Variants in FBXO47 observed in about 807,000 individuals in gnomAD.
The protein encoded by FBXO47 is F-box only protein 47.
In FBXO47, 34 loss-of-function variants were observed where a neutral mutation model predicts 53.9. The observed-to-expected ratio is 0.63, with a 90% CI of 0.48 to 0.84. The LOEUF (loss-of-function observed/expected upper bound fraction) is 0.84. Among genes scored for constraint, FBXO47 ranks in the 40% least tolerant of loss-of-function variants. The pLI is 0.00. For synonymous variants in FBXO47, 165 were observed against 181.6 expected, an observed-to-expected ratio of 0.91 and a Z score of 0.73; for missense variants, 485 against 541.3, an observed-to-expected ratio of 0.90 and a Z score of 1.03.
At position 38,936,695 on chromosome 17, in the gene FBXO47, G is replaced by C. The variant is rs1429162860; in HGVS notation, c.*480C>G. On this transcript the variant is annotated 3_prime_UTR_variant, in exon 11 of 11. Coordinates refer to ENST00000378079, the MANE Select transcript of FBXO47 (RefSeq NM_001008777.3). Reference sequence around the variant, plus strand: ...GTTCTTTGTAAGCATATGCCAAGAAGGTAGTAAAAACTGTGATTTGTATTC... The same window carrying C: ...GTTCTTTGTAAGCATATGCCAAGAACGTAGTAAAAACTGTGATTTGTATTC... 6.6e-6 allele frequency: 1 copy of C among 152,192 alleles called. No individual in the cohort carries two copies. Among genetic ancestry groups the C allele is most frequent in the Non-Finnish European group, 1.5e-5 (1 of 68,160 alleles). 9.4% of individuals were successfully genotyped at this position (152,192 alleles called of 1,614,324 possible).
intron 9 of FBXO47, among the ~76,000 whole-genome samples, 169 bp downstream of exon 9, chr17:38,942,609 A>G (rs1314657894): frequency 6.6e-6 from 1 of 152,154 alleles, no homozygotes; most frequent in African/African-American, 2.4e-5. Context: ...AAAACAAAAC[A>G]AAAGAAAACA....
rs942194416 is a variant in FBXO47, at chr17:38,967,356, A to G, written c.-154T>C. ...ATCTCCTCAAGAGCTTCCCGCCAGGAGGCGAGAGGGTCACACTCCCGTAGG... is the reference window on the plus strand; with the variant it reads ...ATCTCCTCAAGAGCTTCCCGCCAGGGGGCGAGAGGGTCACACTCCCGTAGG... On this transcript the variant is annotated 5_prime_UTR_variant, in exon 1 of 11. Transcript: ENST00000378079. 7.2e-5 allele frequency: 11 copies of G among 152,136 alleles called. No individual in the cohort carries two copies. Among genetic ancestry groups the G allele is most frequent in the African/African-American group, 2.7e-4 (11 of 41,416 alleles). The allele number at this position is 152,136 out of a possible 1,614,324, so 9.4% of individuals were successfully genotyped here. A position where few individuals can be genotyped will look rare whatever the true frequency, so the allele number is the denominator to read the frequency against.
At chr17:38,939,237 G>A (rs1178335266) in intron 9 of FBXO47, among the ~76,000 whole-genome samples, 1 of 134,912 alleles carries the variant, frequency 7.4e-6, no homozygotes, top group African/African-American at 2.8e-5. Flanking sequence ...AGGATGCAGT[G>A]AGCGGAGATC....
chr17:38,966,485 G>C (rs1336992350), intron 1 of FBXO47, among the ~76,000 whole-genome samples: 1 of 152,184 alleles, frequency 6.6e-6, no homozygotes, highest in African/African-American at 2.4e-5. Flanking sequence ...ACAGGCGTGA[G>C]CCACCGCACC....
intron 3 of FBXO47, 45 bp downstream of exon 3, chr17:38,961,832 T>G (rs1183447245): frequency 1.3e-6 from 2 of 1,534,124 alleles, no homozygotes; most frequent in South Asian, 2.4e-5. Flanking sequence ...TTCTCTTAAT[T>G]AAGCACAGTT....
At chr17:38,940,679 C>T (rs1328981954) in intron 9 of FBXO47, among the ~76,000 whole-genome samples, 1 of 151,884 alleles carries the variant, frequency 6.6e-6, no homozygotes, top group Non-Finnish European at 1.5e-5. Flanking sequence ...TATTCATTTA[C>T]TTATTTATTT....
chr17:38,941,490 A>G (rs7216225), intron 9 of FBXO47, among the ~76,000 whole-genome samples: 9,859 of 150,102 alleles, frequency 0.066, 1,102 homozygotes, highest in African/African-American at 0.22. Flanking sequence ...CATTTTTATT[A>G]TAGAGACAGG....
chr17:38,954,986 A>T (rs1905476513), intron 4 of FBXO47, 53 bp from the exon 5 acceptor site: 5 of 1,299,908 alleles, frequency 3.8e-6, no homozygotes, highest in Non-Finnish European at 5.5e-6. Context: ...ATAGTTTGAC[A>T]ATGGTGGAAC....
intron 6 of FBXO47, among the ~76,000 whole-genome samples, chr17:38,947,131 AAT>A (rs559228453): frequency 1.7e-4 from 24 of 137,808 alleles, no homozygotes; most frequent in South Asian, 4.5e-4. Flanking sequence ...CATATATATA[AAT>A]ATATATATAT....
intron 3 of FBXO47, 111 bp downstream of exon 3, chr17:38,961,766 G>C: frequency 1.1e-6 from 1 of 878,362 alleles, no homozygotes; most frequent in Non-Finnish European, 1.8e-6. Flanking sequence ...ATAGAAACAG[G>C]CATATTTTGG....
chr17:38,944,840 GTGCA>G, intron 7 of FBXO47, 116 bp downstream of exon 7: 1 of 761,870 alleles, frequency 1.3e-6, no homozygotes, highest in Non-Finnish European at 2.1e-6. Flanking sequence ...CACTGTGTGC[GTGCA>G]TGCATGTGTG....
intron 3 of FBXO47, among the ~76,000 whole-genome samples, chr17:38,960,932 G>A (rs770141538): frequency 9.2e-5 from 14 of 151,822 alleles, no homozygotes; most frequent in South Asian, 8.3e-4. Context: ...GCAGCCAGCC[G>A]AAAAATTATA....
At position 38,962,991 on chromosome 17, in the gene FBXO47, A is replaced by G; in HGVS notation, c.35T>C (p.Ile12Thr). 1 of 1,611,926 alleles carries G rather than the reference A, an allele frequency of 6.2e-7. No individual in the cohort carries two copies. The highest frequency in any genetic ancestry group is 8.5e-7 in the Non-Finnish European group (1 of 1,178,538). The change falls in exon 2 of 11, where the codon ATT becomes ACT. Residue 12 changes from isoleucine (I) to threonine (T), a missense_variant. Physicochemically the swap from Ile to Thr is moderately conservative, Grantham distance 89. Transcript: ENST00000378079. Reference protein sequence around the residue: ...ASRINTNFTLIPNQKLRRSNR... With the variant: ...ASRINTNFTLTPNQKLRRSNR... The stretch of plus-strand genomic sequence containing the variant: ...ACTACGTCTAAGTTTCTGGTTGGGA[A>G]TCAAAGTGAAATTTGTATTTATTCT...
At chr17:38,946,275 A>T (rs866408561) in intron 6 of FBXO47, among the ~76,000 whole-genome samples, 3 of 85,840 alleles carry the variant, frequency 3.5e-5, no homozygotes, top group Admixed American at 1.8e-4. Context: ...AATATATATA[A>T]AAATATATAT....
chr17:38,941,616 A>ATTATTT (rs1022510888), intron 9 of FBXO47, among the ~76,000 whole-genome samples: 4 of 104,026 alleles, frequency 3.8e-5, no homozygotes, highest in Non-Finnish European at 7.4e-5. Flanking sequence ...AAATAAATAT[A>ATTATTT]ATATTATATA....
intron 1 of FBXO47, among the ~76,000 whole-genome samples, chr17:38,964,717 GA>G (rs533366662): frequency 3.3e-4 from 50 of 152,176 alleles, no homozygotes; most frequent in African/African-American, 1.2e-3. Context: ...AGTCACTGAT[GA>G]ATCTTAGAAA....
intron 6 of FBXO47, among the ~76,000 whole-genome samples, chr17:38,947,823 T>C (rs1037952204): frequency 1.3e-4 from 19 of 151,982 alleles, no homozygotes; most frequent in Admixed American, 4.6e-4. Flanking sequence ...GGCAGAAGAA[T>C]GGGTGTGAAC....
At chr17:38,941,964 T>C (rs916917780) in intron 9 of FBXO47, among the ~76,000 whole-genome samples, 30 of 152,056 alleles carry the variant, frequency 2.0e-4, no homozygotes, top group African/African-American at 7.2e-4. Context: ...GTGTGAGCCA[T>C]CCCGTCCGGC....
rs367800614 is a variant in FBXO47, at chr17:38,963,111, A to ATTT, written c.-26-63_-26-61dup. The ATTT allele has an allele frequency of 1.3e-5, 12 of 958,700 alleles. No homozygotes were observed. The African/African-American group carries it at 1.7e-4, about 14-fold the overall frequency. The allele number at this position is 958,700 out of a possible 1,614,324, so 59.4% of individuals were successfully genotyped here. On this transcript the variant is annotated intron_variant, in intron 1 of 10. Transcript: ENST00000378079. ...GAAAGGAAATTAAAGCAAGAAAGAG[A>ATTT]TTTTTTTTTTTAAACGAAGAGGTTG...
Sources: gnomAD v4.1 joint callset for allele counts (sites outside exome capture counted in the v4.1 genomes callset) on GRCh38, gnomAD v4.1.1 for gene constraint, MANE v1.5 for transcripts, NCBI Gene and HGNC (gene_info 2026-07-23, HGNC 2026-07-21) for gene names.